The following CELF2 variants were observed in gnomAD, a reference collection of about 807,000 sequenced individuals.
CELF2 encodes CUGBP Elav-like family member 2, also known as CUG triplet repeat RNA-binding protein 2.
CELF2 carries 8 observed loss-of-function variants against 62.6 expected under a neutral mutation model. The ratio of observed to expected loss-of-function variants is 0.13; its 90% CI spans 0.07 to 0.23. The LOEUF is 0.23. Ranked by LOEUF, CELF2 falls within the 10% of genes least tolerant of loss-of-function variation. The pLI is 1.00. For synonymous variants in CELF2, 258 were observed against 250.0 expected (o/e 1.03, Z -0.30); for missense variants, 333 against 671.0 (o/e 0.50, Z 5.56).
the CELF2 span, among the ~76,000 whole-genome samples, chr10:10,722,913 G>A: frequency 6.6e-6 from 1 of 152,162 alleles, no homozygotes; most frequent in African/African-American, 2.4e-5. Flanking sequence ...AGATAATAGA[G>A]CAAGGCCCTC....
In CELF2 at chr10:11,220,426, C is replaced by A. The variant is rs1211818925; in HGVS notation, c.354+2919C>A. Among the ~76,000 whole-genome samples, 3 of 152,110 alleles carry A rather than the reference C, an allele frequency of 2.0e-5. No homozygotes were observed. Among genetic ancestry groups the A allele is most frequent in the Non-Finnish European group, 2.9e-5 (2 of 68,012 alleles). ...TTGATAGGATGGTCTGTTGTGCAAT[C>A]AAATGTGTCTGCCATAAGATTTTGA... On this transcript the variant is annotated intron_variant, in intron 3 of 12. Coordinates refer to ENST00000633077, the MANE Select transcript of CELF2 (RefSeq NM_001326342.2). This position sits in a 1 kb window ranked among gnomAD's most constrained non-coding sequence, Gnocchi z 4.4.
the CELF2 span, among the ~76,000 whole-genome samples, chr10:10,738,298 A>G: frequency 6.6e-6 from 1 of 152,360 alleles, no homozygotes; most frequent in South Asian, 2.1e-4. Flanking sequence ...GCTGCCATAC[A>G]TTCATATTTC....
the CELF2 span, among the ~76,000 whole-genome samples, chr10:10,739,244 G>A: frequency 6.6e-6 from 1 of 152,080 alleles, no homozygotes; most frequent in Non-Finnish European, 1.5e-5. Flanking sequence ...TAACAAAACA[G>A]TGAGATTATA....
rs1452846747 is a variant in CELF2 at position 11,314,970 on chromosome 10, C to T, written c.1096+712C>T. Among the ~76,000 whole-genome samples the T allele has an allele frequency of 6.6e-6, 1 of 152,082 alleles. No individual in the cohort carries two copies. The highest frequency in any genetic ancestry group is 1.9e-4 in the East Asian group (1 of 5,190). On this transcript the variant is annotated intron_variant, in intron 10 of 12. Transcript: ENST00000633077. This position sits in a 1 kb window ranked among gnomAD's most constrained non-coding sequence, Gnocchi z 5.3. ...GTTGAAATAGGCTGGAGGCAAATCACTTAGAAAATTGTACTTGGTTCCGAA... is the reference window on the plus strand; with the variant it reads ...GTTGAAATAGGCTGGAGGCAAATCATTTAGAAAATTGTACTTGGTTCCGAA...
chr10:10,725,674 C>T, the CELF2 span, among the ~76,000 whole-genome samples: 2 of 152,098 alleles, frequency 1.3e-5, no homozygotes, highest in Admixed American at 6.5e-5. Flanking sequence ...GCCAATAATA[C>T]CAGCTCTGTG....
Position 11,090,673 on chromosome 10 carries a change from A to G in CELF2, c.74+72510A>G, listed in dbSNP as rs547156507. On this transcript the variant is annotated intron_variant, in intron 1 of 12. Transcript: ENST00000633077. Reference sequence around the variant, plus strand: ...TAAAGATATTATGATATATCTACATAATAGAATACTTCATAGCCATTTAAG... The same window carrying G: ...TAAAGATATTATGATATATCTACATGATAGAATACTTCATAGCCATTTAAG... 2.1e-4 allele frequency among the ~76,000 whole-genome samples: 32 copies of G among 152,362 alleles called. No individual in the cohort carries two copies. In the South Asian group the frequency reaches 6.6e-3, roughly 32 times the overall value.
chr10:11,003,321 T>C (rs1358416576), upstream of CELF2, among the ~76,000 whole-genome samples: 2 of 152,248 alleles, frequency 1.3e-5, no homozygotes, highest in African/African-American at 4.8e-5. This position sits in a 1 kb window ranked among gnomAD's most constrained non-coding sequence, Gnocchi z 4.4. Context: ...GGGCTTCCAA[T>C]GTTAAGAATT....
In CELF2 at chr10:11,159,369, T is replaced by C. The variant is rs190321616; in HGVS notation, c.75-6117T>C. 3.0e-4 allele frequency among the ~76,000 whole-genome samples: 46 copies of C among 152,352 alleles called. 2 individuals carry two copies. In the East Asian group the frequency reaches 6.4e-3, roughly 21 times the overall value. On this transcript the variant is annotated intron_variant, in intron 1 of 12. Transcript: ENST00000633077. This position sits in a 1 kb window ranked among gnomAD's most constrained non-coding sequence, Gnocchi z 5.0. ...CAAACTCTGCCCTGCCGAAAGGCAG[T>C]CATGGAAGACAGACGCGTTTTTCAT...
chr10:10,679,587 G>A, the CELF2 span, among the ~76,000 whole-genome samples: 1 of 152,104 alleles, frequency 6.6e-6, no homozygotes, highest in South Asian at 2.1e-4. Context: ...ACCATGCCTG[G>A]CCCTATGTTT....
At chr10:11,143,828 C>A (rs565822992) in intron 1 of CELF2, among the ~76,000 whole-genome samples, 31 of 152,338 alleles carry the variant, frequency 2.0e-4, no homozygotes, top group African/African-American at 6.7e-4. Flanking sequence ...AAATACATTT[C>A]TTTTCAAAGT....
the CELF2 span, among the ~76,000 whole-genome samples, chr10:10,539,372 G>A: frequency 3.3e-5 from 5 of 151,930 alleles, no homozygotes; most frequent in South Asian, 2.1e-4. Context: ...TGAGACTTTT[G>A]GGGATTGGCC....
intron 3 of CELF2, among the ~76,000 whole-genome samples, chr10:11,234,844 G>A (rs7896151): frequency 0.046 from 7,048 of 152,086 alleles, 516 homozygotes; most frequent in African/African-American, 0.16. Context: ...GCCCTGCAGA[G>A]TTAAAAAGGC....
the CELF2 span, among the ~76,000 whole-genome samples, chr10:10,497,626 C>T: frequency 1.1e-4 from 17 of 152,152 alleles, no homozygotes; most frequent in East Asian, 1.2e-3. Flanking sequence ...GAGGAGGAGC[C>T]GGCCACACCG....
chr10:10,550,261 A>G, the CELF2 span, among the ~76,000 whole-genome samples: 1 of 152,222 alleles, frequency 6.6e-6, no homozygotes, highest in East Asian at 1.9e-4. Flanking sequence ...GTGGAAGTGG[A>G]TCATCATAAA....
intron 2 of CELF2, among the ~76,000 whole-genome samples, chr10:10,989,671 G>T (rs1299353091): frequency 6.6e-6 from 1 of 151,820 alleles, no homozygotes; most frequent in Non-Finnish European, 1.5e-5. Context: ...GAAATCTTTG[G>T]CTATATGAAA....
chr10:10,574,164 A>G, the CELF2 span, among the ~76,000 whole-genome samples: 1 of 152,214 alleles, frequency 6.6e-6, no homozygotes. Flanking sequence ...TATGGGAATC[A>G]TGGGAAATAA....
chr10:10,815,138 C>A (rs1042652104), intron 1 of CELF2, among the ~76,000 whole-genome samples: 1 of 152,166 alleles, frequency 6.6e-6, no homozygotes, highest in African/African-American at 2.4e-5. Flanking sequence ...GCATGTATGA[C>A]TTCTTCCTGG....
At chr10:10,768,954 C>T in the CELF2 span, among the ~76,000 whole-genome samples, 1 of 152,134 alleles carries the variant, frequency 6.6e-6, no homozygotes, top group African/African-American at 2.4e-5. Context: ...AATGCATGCT[C>T]CCTCTGTCCT....
At chr10:11,163,252 G>A (rs565560447) in intron 1 of CELF2, among the ~76,000 whole-genome samples, 2 of 152,174 alleles carry the variant, frequency 1.3e-5, no homozygotes, top group Non-Finnish European at 2.9e-5. Flanking sequence ...GATGAGGTGC[G>A]GCAGCCCCAT....
Sources: allele counts gnomAD v4.1 joint callset (sites outside exome capture counted in the v4.1 genomes callset), GRCh38; gene constraint gnomAD v4.1.1; non-coding constraint Gnocchi (gnomAD v3.1); transcripts MANE v1.5; gene names NCBI Gene and HGNC (gene_info 2026-07-23, HGNC 2026-07-21).